The following CADM2 variants were observed in gnomAD, a reference collection of about 807,000 sequenced individuals.
CADM2 encodes the protein immunoglobulin superfamily member 4D.
In CADM2, 12 loss-of-function variants were observed where a neutral mutation model predicts 49.8. The observed-to-expected ratio is 0.24, with a 90% confidence interval of 0.15 to 0.39. The LOEUF is 0.39. CADM2 is among the 10% of genes least tolerant of loss of function. The pLI is 1.00. For missense variants in CADM2, 378 were observed against 492.3 expected (o/e 0.77, Z 2.20); for synonymous variants, 214 against 175.4 (o/e 1.22, Z -1.74).
At chr3:85,258,554 T>C (rs1442737034) in intron 1 of CADM2, among the ~76,000 whole-genome samples, 1 of 150,890 alleles carries the variant, frequency 6.6e-6, no homozygotes, top group Non-Finnish European at 1.5e-5. Flanking sequence ...GTTTCTAAGC[T>C]GTCAGGTTGC....
At chr3:85,904,924 GAA>G (rs1406066230) in intron 5 of CADM2, among the ~76,000 whole-genome samples, 1 of 152,032 alleles carries the variant, frequency 6.6e-6, no homozygotes, top group Admixed American at 6.6e-5. Context: ...TATAGGAGAT[GAA>G]ACTATTTTAT....
intron 1 of CADM2, among the ~76,000 whole-genome samples, chr3:85,353,347 A>G (rs1190189047): frequency 6.6e-6 from 1 of 152,102 alleles, no homozygotes; most frequent in Non-Finnish European, 1.5e-5. Flanking sequence ...TGTGAAAATA[A>G]AGATCAGTTG....
chr3:85,471,702 T>C (rs2038774365), intron 1 of CADM2, among the ~76,000 whole-genome samples: 1 of 150,324 alleles, frequency 6.7e-6, no homozygotes, highest in African/African-American at 2.4e-5. Context: ...TATTTTATTT[T>C]ATTTTATTTT....
chr3:85,901,021 A>C (rs775154578), intron 5 of CADM2, among the ~76,000 whole-genome samples: 1 of 151,774 alleles, frequency 6.6e-6, no homozygotes, highest in Non-Finnish European at 1.5e-5. Flanking sequence ...TTAATTGATT[A>C]CCCTGTGTCT....
At chr3:85,039,138 A>T (rs1345501401) in intron 1 of CADM2, among the ~76,000 whole-genome samples, 1 of 152,028 alleles carries the variant, frequency 6.6e-6, no homozygotes, top group African/African-American at 2.4e-5. Context: ...AGTAGCTGGG[A>T]TTAGAGGTAC....
intron 1 of CADM2, among the ~76,000 whole-genome samples, chr3:85,496,904 C>G (rs571887940): frequency 1.4e-4 from 22 of 152,228 alleles, no homozygotes; most frequent in Non-Finnish European, 8.8e-5. Flanking sequence ...AGTGCAATGG[C>G]GCCATCTCGG....
chr3:85,172,902 TTA>T (rs1232686460), intron 1 of CADM2, among the ~76,000 whole-genome samples: 1 of 145,650 alleles, frequency 6.9e-6, no homozygotes, highest in Admixed American at 6.9e-5. Context: ...CAATTATATA[TTA>T]TATATAATAT....
At position 84,970,044 on chromosome 3, in the gene CADM2, C is replaced by CTTTT. The variant is rs33980527; in HGVS notation, c.61+10396_61+10399dup. 5.0e-4 allele frequency among the ~76,000 whole-genome samples: 52 copies of CTTTT among 103,536 alleles called. 2 individuals are homozygous for CTTTT. Among genetic ancestry groups the CTTTT allele is most frequent in the African/African-American group, 1.4e-3 (36 of 26,554 alleles). 67.9% of individuals were successfully genotyped at this position (103,536 alleles called of 152,430 possible). A position where few individuals can be genotyped will look rare whatever the true frequency, so the allele number is the denominator to read the frequency against. ...ACCAGATTATGTGTGGACTGACCTG[C>CTTTT]TTTTTTTTTTTTTTTTTTTTTTTAC... is the stretch of plus-strand genomic sequence containing the variant. On this transcript the variant is annotated intron_variant, in intron 1 of 9. Coordinates refer to ENST00000383699, the MANE Select transcript of CADM2 (RefSeq NM_001167675.2).
chr3:85,378,801 C>G (rs992123385), intron 1 of CADM2, among the ~76,000 whole-genome samples: 6 of 151,688 alleles, frequency 4.0e-5, no homozygotes, highest in African/African-American at 1.5e-4. Flanking sequence ...ACAGATCCAC[C>G]AAAATCTCAG....
intron 1 of CADM2, among the ~76,000 whole-genome samples, chr3:85,197,779 C>A (rs2041380176): frequency 6.6e-6 from 1 of 151,854 alleles, no homozygotes; most frequent in Non-Finnish European, 1.5e-5. Flanking sequence ...CATGATGCTG[C>A]TTGTATTTTT....
chr3:85,992,275 T>C (rs970511583), intron 8 of CADM2: 5 of 152,140 alleles, frequency 3.3e-5, no homozygotes, highest in African/African-American at 1.2e-4. Flanking sequence ...ATGCTTTTTA[T>C]CATTTATGTC....
chr3:85,634,437 A>G (rs1394367381), intron 1 of CADM2, among the ~76,000 whole-genome samples: 5 of 151,988 alleles, frequency 3.3e-5, no homozygotes, highest in Admixed American at 6.6e-5. Context: ...ACCTCCTTGT[A>G]AAAGAAGTAT....
intron 1 of CADM2, among the ~76,000 whole-genome samples, chr3:85,682,021 T>C (rs1234277728): frequency 6.6e-6 from 1 of 152,162 alleles, no homozygotes; most frequent in African/African-American, 2.4e-5. Flanking sequence ...AAAGAAAGAA[T>C]GCACTTTGGT....
chr3:85,905,578 A>G (rs767541616), intron 5 of CADM2, among the ~76,000 whole-genome samples: 4 of 152,158 alleles, frequency 2.6e-5, no homozygotes, highest in Non-Finnish European at 4.4e-5. Context: ...TAAAACCTAT[A>G]GAGAAATATA....
chr3:86,055,472 T>TTTTG (rs1553730566), intron 8 of CADM2, among the ~76,000 whole-genome samples: 3 of 132,702 alleles, frequency 2.3e-5, no homozygotes, highest in African/African-American at 8.6e-5. Flanking sequence ...TTTTTTTTTT[T>TTTTG]TTTTTTTGGT....
chr3:85,127,589 C>T (rs2039078713), intron 1 of CADM2, among the ~76,000 whole-genome samples: 2 of 152,308 alleles, frequency 1.3e-5, no homozygotes, highest in East Asian at 1.9e-4. Context: ...ATTTATACTT[C>T]TACCTGGAGA....
At chr3:86,048,420 T>C (rs1194871006) in intron 8 of CADM2, among the ~76,000 whole-genome samples, 1 of 152,022 alleles carries the variant, frequency 6.6e-6, no homozygotes, top group Admixed American at 6.6e-5. Flanking sequence ...AATATTCAGG[T>C]AAATCACATA....
chr3:85,996,312 T>G (rs1324656619), intron 8 of CADM2, among the ~76,000 whole-genome samples: 2 of 105,796 alleles, frequency 1.9e-5, no homozygotes, highest in Non-Finnish European at 4.0e-5. Flanking sequence ...TTTTTTTTTT[T>G]GGTCTGAGAC....
chr3:86,003,137 A>G (rs1432844197), intron 8 of CADM2, among the ~76,000 whole-genome samples: 1 of 152,124 alleles, frequency 6.6e-6, no homozygotes, highest in Non-Finnish European at 1.5e-5. Context: ...AATAAAGATG[A>G]TGCTTTACTC....
Sources: gnomAD v4.1 joint callset for allele counts (sites outside exome capture counted in the v4.1 genomes callset) on GRCh38, gnomAD v4.1.1 for gene constraint, MANE v1.5 for transcripts, NCBI Gene and HGNC (gene_info 2026-07-23, HGNC 2026-07-21) for gene names.